The following TBCCD1 variants were observed in gnomAD, a reference collection of about 807,000 sequenced individuals.
TBCCD1 encodes the protein TBCC domain containing 1.
In TBCCD1, 26 loss-of-function variants were observed where a neutral mutation model predicts 53.4. That is an observed-to-expected ratio of 0.49 (90% CI 0.36 to 0.68). The LOEUF is 0.68. Ranked by LOEUF, TBCCD1 falls within the 30% of genes least tolerant of loss-of-function variation. The pLI, the probability that TBCCD1 is intolerant of heterozygous loss-of-function variation, is 0.00. For synonymous variants in TBCCD1, 245 were observed against 241.7 expected, an observed-to-expected ratio of 1.01 and a Z score of -0.13; for missense variants, 558 against 669.5, an observed-to-expected ratio of 0.83 and a Z score of 1.84.
At chr3:186,565,446 T>C (rs9835997) in intron 1 of TBCCD1, among the ~76,000 whole-genome samples, 61,707 of 152,128 alleles carry the variant, frequency 0.41, 15,313 homozygotes, top group East Asian at 0.72. Context: ...TAGATGTTAG[T>C]TTTTGAATTT....
intron 6 of TBCCD1, among the ~76,000 whole-genome samples, chr3:186,554,006 C>G (rs987013766): frequency 1.3e-5 from 2 of 152,324 alleles, no homozygotes; most frequent in South Asian, 2.1e-4. Context: ...CGCCACCACA[C>G]CCAGCTAATT....
rs930504623 is a variant in TBCCD1 at position 186,554,103 on chromosome 3, C to A, written c.1544+151G>T. 25 of 1,070,004 alleles carry A rather than the reference C, an allele frequency of 2.3e-5. No homozygotes were observed. The Middle Eastern group carries it at 9.4e-4, about 40-fold the overall frequency. 66.3% of individuals were successfully genotyped at this position (1,070,004 alleles called of 1,614,324 possible). On this transcript the variant is annotated intron_variant, in intron 6 of 7. Transcript: ENST00000338733. ...CCTCAGGTGATCCACCCACCTCGGC[C>A]TCCCAAAGTGCTGGGATTATAGGCG... is the stretch of plus-strand genomic sequence containing the variant.
intron 3 of TBCCD1, among the ~76,000 whole-genome samples, chr3:186,558,034 T>A (rs964000572): frequency 6.6e-6 from 1 of 152,214 alleles, no homozygotes; most frequent in African/African-American, 2.4e-5. Flanking sequence ...TTAAACAACA[T>A]GAGAAGATAT....
upstream of TBCCD1, among the ~76,000 whole-genome samples, chr3:186,568,614 TAGG>T (rs1186308985): frequency 6.6e-6 from 1 of 151,820 alleles, no homozygotes; most frequent in East Asian, 1.9e-4. Context: ...ATGAAAAAAA[TAGG>T]AGGCCGGGCG....
chr3:186,546,507 T>C lies in TBCCD1; in HGVS notation c.*470A>G, dbSNP rs1263722243. The C allele has an allele frequency of 6.6e-6, 1 of 151,984 alleles. No homozygotes were observed. Among genetic ancestry groups the C allele is most frequent in the Non-Finnish European group, 1.5e-5 (1 of 68,014 alleles). 9.4% of individuals were successfully genotyped at this position (151,984 alleles called of 1,614,324 possible). A position where few individuals can be genotyped will look rare whatever the true frequency, so the allele number is the denominator to read the frequency against. ...AAAATTCGGCCTAAACAGTAATAAATGAAAATGGAATGGAAATCAAAGTTC... is the reference window on the plus strand; with the variant it reads ...AAAATTCGGCCTAAACAGTAATAAACGAAAATGGAATGGAAATCAAAGTTC... On this transcript the variant is annotated 3_prime_UTR_variant, in exon 8 of 8. Transcript: ENST00000338733.
At chr3:186,548,283 T>C (rs1196785943) in intron 7 of TBCCD1, among the ~76,000 whole-genome samples, 2 of 152,232 alleles carry the variant, frequency 1.3e-5, no homozygotes, top group Non-Finnish European at 2.9e-5. Flanking sequence ...CCACATGTTA[T>C]ATGATTCCAT....
chr3:186,547,147 G>C (rs1714236987), intron 7 of TBCCD1, among the ~76,000 whole-genome samples, 192 bp from the exon 8 acceptor site: 1 of 151,956 alleles, frequency 6.6e-6, no homozygotes, highest in Non-Finnish European at 1.5e-5. Context: ...CATAATAAAA[G>C]AGAAATTCAT....
intron 7 of TBCCD1, 30 bp downstream of exon 7, chr3:186,551,099 G>C: frequency 6.4e-7 from 1 of 1,572,444 alleles, no homozygotes; most frequent in South Asian, 1.2e-5. Context: ...TTCCCCAAAA[G>C]AATCTGTTTT....
At chr3:186,567,511 C>T (rs1053376145), upstream of TBCCD1, 1 of 152,260 alleles carries the variant, frequency 6.6e-6, no homozygotes, top group Non-Finnish European at 1.5e-5. Flanking sequence ...GCCAGACCCA[C>T]CGCTTTCTGG....
intron 7 of TBCCD1, among the ~76,000 whole-genome samples, chr3:186,550,116 A>G (rs1560222664): frequency 6.7e-6 from 1 of 149,704 alleles, no homozygotes; most frequent in African/African-American, 2.5e-5. Context: ...AATCTCAGCT[A>G]CTTGGTAGGC....
chr3:186,556,914 T>C, intron 3 of TBCCD1, 139 bp from the exon 4 acceptor site: 2 of 1,090,426 alleles, frequency 1.8e-6, no homozygotes, highest in South Asian at 1.8e-5. Context: ...CTTATAAAGG[T>C]GATCCGCCCG....
At position 186,556,456 on chromosome 3, in the gene TBCCD1, G is replaced by A; in HGVS notation, c.812C>T (p.Thr271Ile). The change falls in exon 4 of 8, where the codon ACA becomes ATA. Residue 271 changes from threonine to isoleucine, a missense_variant. Physicochemically the swap from Thr to Ile is moderately conservative, Grantham distance 89. Coordinates refer to ENST00000338733, the MANE Select transcript of TBCCD1 (RefSeq NM_018138.5). The stretch of plus-strand genomic sequence containing the variant: ...CTTTCCAGACTTGAGGCAAGCTGAT[G>A]TACCAAATGGATTCCCAGTCAAACA... ...RSCLTGNPFG[T>I]SACLKSGKKL... 2.5e-6 allele frequency: 4 copies of A among 1,607,606 alleles called. No individual in the cohort carries two copies. The highest frequency in any genetic ancestry group is 1.1e-5 in the South Asian group (1 of 89,168).
Position 186,556,590 on chromosome 3 carries a change from GAT to G in TBCCD1, c.676_677del (p.Ile226LeufsTer5). 6.2e-7 allele frequency: 1 copy of G among 1,614,166 alleles called. No homozygotes were observed. The highest frequency in any genetic ancestry group is 8.5e-7 in the Non-Finnish European group (1 of 1,180,012). On this transcript the variant is annotated frameshift_variant, in exon 4 of 8. Coordinates refer to ENST00000338733, the MANE Select transcript of TBCCD1 (RefSeq NM_018138.5). LOFTEE classifies it high-confidence loss of function. ...ACAGTGCAAGTTCATGAAGTGGATA[GAT>G]CTTCCTGGCTCTACTTATTGTACCT... The part of the protein sequence containing the change: ...IEGTISRARK[I>X]YPLHELALWQ...
chr3:186,560,659 T>C (rs893368279), intron 2 of TBCCD1, among the ~76,000 whole-genome samples: 1 of 152,216 alleles, frequency 6.6e-6, no homozygotes, highest in Admixed American at 6.5e-5. Context: ...AAGAGGCTTA[T>C]ACAGCCCTAC....
chr3:186,552,144 G>A (rs868071372), intron 6 of TBCCD1, among the ~76,000 whole-genome samples: 105 of 152,242 alleles, frequency 6.9e-4, no homozygotes, highest in African/African-American at 2.5e-3. Context: ...TAATATTTGA[G>A]CTTAGGTCTA....
chr3:186,561,250 C>A (rs1027239865), intron 2 of TBCCD1, among the ~76,000 whole-genome samples: 1 of 152,150 alleles, frequency 6.6e-6, no homozygotes, highest in African/African-American at 2.4e-5. Context: ...GCAAGAAAAA[C>A]CAAATAACCT....
intron 7 of TBCCD1, among the ~76,000 whole-genome samples, chr3:186,550,019 G>T (rs541024949): frequency 6.6e-6 from 1 of 152,018 alleles, no homozygotes; most frequent in African/African-American, 2.4e-5. Flanking sequence ...AGGAGTTTAG[G>T]AGTTCAAGAT....
chr3:186,558,037 G>T (rs1172773203), intron 3 of TBCCD1, among the ~76,000 whole-genome samples: 4 of 152,152 alleles, frequency 2.6e-5, no homozygotes, highest in African/African-American at 9.7e-5. Context: ...AACAACATGA[G>T]AAGATATTTT....
chr3:186,561,839 G>C (rs1396585915), intron 2 of TBCCD1, among the ~76,000 whole-genome samples: 3 of 151,990 alleles, frequency 2.0e-5, no homozygotes, highest in African/African-American at 7.2e-5. Context: ...ATAAAAAAGA[G>C]AACTACCATA....
Sources: allele counts gnomAD v4.1 joint callset (sites outside exome capture counted in the v4.1 genomes callset), GRCh38; gene constraint gnomAD v4.1.1; transcripts MANE v1.5; gene names NCBI Gene and HGNC (gene_info 2026-07-23, HGNC 2026-07-21).